Variants in ARL13B observed in about 807,000 individuals in gnomAD.
ARL13B encodes the protein ADP-ribosylation factor-like protein 13B.
Under a neutral mutation model 56.1 loss-of-function variants are expected in ARL13B, and 36 were observed. The observed-to-expected ratio is 0.64, with a 90% CI of 0.49 to 0.85. The LOEUF (loss-of-function observed/expected upper bound fraction) is 0.85. Ranked by LOEUF, ARL13B falls within the 40% of genes least tolerant of loss-of-function variation. The probability of loss-of-function intolerance (pLI) is 0.00; values close to 1 mark genes in which losing one functional copy is unlikely to be tolerated. For missense variants in ARL13B, 519 were observed against 507.1 expected, an observed-to-expected ratio of 1.02 and a Z score of -0.23; for synonymous variants, 178 against 171.1, an observed-to-expected ratio of 1.04 and a Z score of -0.32.
At chr3:94,010,005 C>T (rs2076197863) in intron 3 of ARL13B, among the ~76,000 whole-genome samples, 2 of 152,054 alleles carry the variant, frequency 1.3e-5, no homozygotes, top group African/African-American at 2.4e-5. Flanking sequence ...CCATGGACCA[C>T]CTGCATCAGC....
chr3:93,998,875 G>A (rs1415865131), intron 2 of ARL13B, among the ~76,000 whole-genome samples: 2 of 150,506 alleles, frequency 1.3e-5, no homozygotes, highest in Non-Finnish European at 3.0e-5. Flanking sequence ...CCTCTCTCAT[G>A]GCTCCTACTT....
At chr3:94,034,507 T>A (rs1242447361) in intron 3 of ARL13B, among the ~76,000 whole-genome samples, 1 of 126,304 alleles carries the variant, frequency 7.9e-6, no homozygotes, top group African/African-American at 3.9e-5. Context: ...TTGAGTACAA[T>A]TTTTTTTTTT....
intron 3 of ARL13B, among the ~76,000 whole-genome samples, chr3:94,005,114 A>G (rs1294822942): frequency 6.6e-6 from 1 of 152,220 alleles, no homozygotes; most frequent in Admixed American, 6.5e-5. Flanking sequence ...TTACGTGAGC[A>G]TCTACTGTTG....
chr3:94,032,290 A>G (rs1410183346), intron 3 of ARL13B, among the ~76,000 whole-genome samples: 1 of 152,226 alleles, frequency 6.6e-6, no homozygotes, highest in Non-Finnish European at 1.5e-5. Context: ...GCCAACAAGC[A>G]TATGAAAAAA....
intron 7 of ARL13B, among the ~76,000 whole-genome samples, chr3:94,043,881 C>T (rs375464885): frequency 3.3e-5 from 5 of 150,346 alleles, no homozygotes; most frequent in African/African-American, 1.2e-4. Flanking sequence ...TGGTCTCCAG[C>T]TCCTGGCCTT....
intron 3 of ARL13B, among the ~76,000 whole-genome samples, chr3:94,023,263 T>C (rs975341913): frequency 6.6e-6 from 1 of 152,168 alleles, no homozygotes; most frequent in African/African-American, 2.4e-5. Flanking sequence ...AAAGTTTTGT[T>C]ACTACATCTT....
At chr3:94,038,899 G>A (rs1301654849) in intron 5 of ARL13B, among the ~76,000 whole-genome samples, 2 of 151,858 alleles carry the variant, frequency 1.3e-5, no homozygotes, top group African/African-American at 4.8e-5. Context: ...AATGTTCAGT[G>A]GTAACTAATA....
intron 3 of ARL13B, among the ~76,000 whole-genome samples, chr3:94,006,361 A>G (rs1301322792): frequency 6.6e-6 from 1 of 152,122 alleles, no homozygotes; most frequent in Non-Finnish European, 1.5e-5. Context: ...CACCTCTTGA[A>G]TGTCTGACCA....
intron 3 of ARL13B, among the ~76,000 whole-genome samples, chr3:94,019,899 G>GT (rs922578102): frequency 1.3e-5 from 2 of 152,020 alleles, no homozygotes; most frequent in African/African-American, 4.8e-5. Context: ...AGTATGTGAC[G>GT]TTTTTCCCCA....
At chr3:94,032,134 C>T (rs2076687232) in intron 3 of ARL13B, among the ~76,000 whole-genome samples, 1 of 152,124 alleles carries the variant, frequency 6.6e-6, no homozygotes, top group African/African-American at 2.4e-5. Flanking sequence ...AAACAGCCTG[C>T]AGAATGAGGG....
chr3:94,008,345 A>C (rs544489236), intron 3 of ARL13B, among the ~76,000 whole-genome samples: 1 of 152,224 alleles, frequency 6.6e-6, no homozygotes, highest in South Asian at 2.1e-4. Context: ...CTGGCCCTTC[A>C]GAAATTTTTT....
At chr3:94,026,434 CTG>C (rs2076559596) in intron 3 of ARL13B, among the ~76,000 whole-genome samples, 1 of 152,118 alleles carries the variant, frequency 6.6e-6, no homozygotes, top group Admixed American at 6.6e-5. Context: ...CCTTGTTCAT[CTG>C]TGTAGAAATT....
At chr3:94,041,436 A>C (rs1186971302) in intron 6 of ARL13B, among the ~76,000 whole-genome samples, 1 of 152,204 alleles carries the variant, frequency 6.6e-6, no homozygotes, top group Non-Finnish European at 1.5e-5. Context: ...AAAAAGTGAA[A>C]GTCTTCAAGT....
At chr3:94,041,601 A>G (rs569291815) in intron 6 of ARL13B, among the ~76,000 whole-genome samples, 6 of 152,298 alleles carry the variant, frequency 3.9e-5, no homozygotes, top group Admixed American at 3.9e-4. Flanking sequence ...TAAAAAGCAA[A>G]AATGAAAAGA....
intron 3 of ARL13B, among the ~76,000 whole-genome samples, chr3:94,005,015 A>G (rs970542735): frequency 3.3e-5 from 5 of 152,142 alleles, no homozygotes; most frequent in African/African-American, 1.2e-4. Flanking sequence ...AAACAATATT[A>G]TGTGCTTTTT....
At chr3:93,992,345 G>A (rs766186851) in intron 1 of ARL13B, among the ~76,000 whole-genome samples, 8 of 152,044 alleles carry the variant, frequency 5.3e-5, no homozygotes, top group Non-Finnish European at 7.4e-5. Context: ...AGGAACTGCC[G>A]ACTCAGTTGA....
Position 93,985,015 on chromosome 3 carries a change from A to ATCAG in ARL13B, c.59+4536_59+4537insGTCA, listed in dbSNP as rs62934560. Among the ~76,000 whole-genome samples, 20 of 150,040 alleles carry ATCAG rather than the reference A, an allele frequency of 1.3e-4. No homozygotes were observed. The South Asian group carries it at 3.5e-3, about 26-fold the overall frequency. On this transcript the variant is annotated intron_variant, in intron 1 of 9. Transcript: ENST00000394222. ...ACAAAGTGAAACCCTGTCTCAATCA[A>ATCAG]TCAATCAATCAATCAATCAATAAGA...
intron 3 of ARL13B, among the ~76,000 whole-genome samples, chr3:94,017,301 C>T (rs900177692): frequency 5.9e-5 from 9 of 152,100 alleles, no homozygotes; most frequent in African/African-American, 1.9e-4. Context: ...CTCCAAAGGG[C>T]AGTGGGTGGA....
At chr3:93,982,089 G>A (rs1041285997) in intron 1 of ARL13B, among the ~76,000 whole-genome samples, 2 of 152,122 alleles carry the variant, frequency 1.3e-5, no homozygotes, top group African/African-American at 4.8e-5. Flanking sequence ...CTTTTAACGA[G>A]AAACAGTGAA....
Sources: allele counts gnomAD v4.1 joint callset (sites outside exome capture counted in the v4.1 genomes callset), GRCh38; gene constraint gnomAD v4.1.1; transcripts MANE v1.5; gene names NCBI Gene and HGNC (gene_info 2026-07-23, HGNC 2026-07-21).